PACSIN2: variants seen among roughly 807,000 people sequenced by gnomAD.
PACSIN2 encodes the protein protein kinase C and casein kinase substrate in neurons protein 2.
Under a neutral mutation model 63.8 loss-of-function variants are expected in PACSIN2, and 25 were observed. That is an observed-to-expected ratio of 0.39 (90% CI 0.29 to 0.55). The LOEUF is 0.55. Ranked by LOEUF, PACSIN2 falls within the 20% of genes least tolerant of loss-of-function variation. The pLI is 0.62. For synonymous variants in PACSIN2, 255 were observed against 256.2 expected, an observed-to-expected ratio of 1.00 and a Z score of 0.05; for missense variants, 518 against 646.9, an observed-to-expected ratio of 0.80 and a Z score of 2.16.
chr22:42,875,199 A>G lies in PACSIN2; in HGVS notation c.1348+938T>C, dbSNP rs552833017. ...GGGGTCTTGCTCTCTCTTCTAGGCTAGAGTACGTGGTATGAACATGGCTCA... is the reference window on the plus strand; with the variant it reads ...GGGGTCTTGCTCTCTCTTCTAGGCTGGAGTACGTGGTATGAACATGGCTCA... On this transcript the variant is annotated intron_variant, in intron 10 of 10. Transcript: ENST00000263246. 4.0e-5 allele frequency among the ~76,000 whole-genome samples: 6 copies of G among 150,294 alleles called. No individual in the cohort carries two copies. In the East Asian group the frequency reaches 1.2e-3, roughly 30 times the overall value.
chr22:42,896,196 A>G (rs1930268031), intron 2 of PACSIN2, among the ~76,000 whole-genome samples: 1 of 151,946 alleles, frequency 6.6e-6, no homozygotes, highest in South Asian at 2.1e-4. Context: ...TACAGCCCCC[A>G]GCAACCACAG....
At chr22:42,891,658 G>A (rs923210761) in intron 3 of PACSIN2, among the ~76,000 whole-genome samples, 4 of 152,040 alleles carry the variant, frequency 2.6e-5, no homozygotes, top group Admixed American at 6.6e-5. Flanking sequence ...CATTCGCCTC[G>A]GCCTCCCAAA....
At chr22:42,874,873 AAG>A in intron 10 of PACSIN2, among the ~76,000 whole-genome samples, 1 of 140,978 alleles carries the variant, frequency 7.1e-6, no homozygotes, top group East Asian at 2.0e-4. Context: ...TTTTTTGAAA[AAG>A]AGTTTTGCTC....
At chr22:42,884,014 A>AAAAAAGAAAAGAAAAG (rs548362401) in intron 6 of PACSIN2, among the ~76,000 whole-genome samples, 9 of 151,980 alleles carry the variant, frequency 5.9e-5, no homozygotes, top group African/African-American at 1.5e-4. Context: ...TCAAAAAAAA[A>AAAAAAGAAAAGAAAAG]AAAAGAAAAG....
intron 1 of PACSIN2, among the ~76,000 whole-genome samples, chr22:43,000,145 C>T (rs960728242): frequency 1.3e-5 from 2 of 152,222 alleles, no homozygotes; most frequent in Non-Finnish European, 2.9e-5. Flanking sequence ...TGGACGGGGC[C>T]GGCCCAAGAC....
chr22:42,937,080 A>G (rs1932947419), intron 1 of PACSIN2, among the ~76,000 whole-genome samples: 1 of 152,212 alleles, frequency 6.6e-6, no homozygotes, highest in Admixed American at 6.5e-5. Context: ...GGAATCTAAC[A>G]GCGGAGAGAA....
chr22:42,983,882 ATGTCATGTCAGGTCAGGAAATAAACTAG>A (rs1275877069), intron 1 of PACSIN2, among the ~76,000 whole-genome samples: 1 of 151,730 alleles, frequency 6.6e-6, no homozygotes, highest in African/African-American at 2.4e-5. Flanking sequence ...CACTGATCAG[ATGTCATGTCAGGTCAGGAAATAAACTAG>A]TGTAAACCTG....
chr22:42,889,398 A>ACACACACACT lies in PACSIN2; in HGVS notation c.454-601_454-600insAGTGTGTGTG, dbSNP rs778420398. Among the ~76,000 whole-genome samples, 599 of 151,418 alleles carry ACACACACACT rather than the reference A, an allele frequency of 4.0e-3. 1 individual carries two copies. The highest frequency in any genetic ancestry group is 0.013 in the African/African-American group (544 of 41,108). ...TACACACACACACACACACACACAC[A>ACACACACACT]CTCTTAACAGATCCTTCCTTATTTG... On this transcript the variant is annotated intron_variant, in intron 4 of 10. Coordinates refer to ENST00000263246, the MANE Select transcript of PACSIN2 (RefSeq NM_001184970.3).
intron 1 of PACSIN2, among the ~76,000 whole-genome samples, chr22:42,980,852 C>T (rs1180140360): frequency 9.0e-4 from 52 of 57,802 alleles, no homozygotes; most frequent in African/African-American, 9.5e-4. Context: ...ACCTCCCAGC[C>T]GCCTGCCTTG....
rs1160565529 is a variant in PACSIN2, at chr22:42,987,530, C to CTTTTTT, written c.-78+27485_-78+27490dup. 2.4e-3 allele frequency among the ~76,000 whole-genome samples: 127 copies of CTTTTTT among 52,026 alleles called. 37 individuals carry two copies. Among genetic ancestry groups the CTTTTTT allele is most frequent in the Non-Finnish European group, 3.6e-3 (115 of 32,354 alleles). 34.1% of individuals were successfully genotyped at this position (52,026 alleles called of 152,430 possible). On this transcript the variant is annotated intron_variant, in intron 1 of 10. Transcript: ENST00000263246. Reference sequence around the variant, plus strand: ...TGTTCAGAAGACGGGCACATTCATTCTTTTTTTTTTTTTTTTTTGAGACAG... The same window carrying CTTTTTT: ...TGTTCAGAAGACGGGCACATTCATTCTTTTTTTTTTTTTTTTTTTTTTTTGAGACAG...
chr22:42,898,608 C>T (rs921895100), intron 2 of PACSIN2, among the ~76,000 whole-genome samples: 1 of 152,042 alleles, frequency 6.6e-6, no homozygotes, highest in Admixed American at 6.6e-5. Context: ...AGGCCGCTCT[C>T]CTGCCTCCCA....
intron 1 of PACSIN2, among the ~76,000 whole-genome samples, chr22:42,968,685 C>T (rs1399855791): frequency 1.3e-5 from 2 of 152,152 alleles, no homozygotes; most frequent in Non-Finnish European, 2.9e-5. Context: ...TCAATAAGGG[C>T]AGGCACCATC....
chr22:42,947,531 A>G (rs1159779911), intron 1 of PACSIN2, among the ~76,000 whole-genome samples: 1 of 152,190 alleles, frequency 6.6e-6, no homozygotes, highest in Non-Finnish European at 1.5e-5. Flanking sequence ...GGAATCCTCA[A>G]GAGGAGCTGA....
intron 1 of PACSIN2, among the ~76,000 whole-genome samples, chr22:42,966,882 T>C (rs1371789923): frequency 6.6e-6 from 1 of 152,258 alleles, no homozygotes. Context: ...TTTTCAGGAA[T>C]AAAGTCAGGG....
chr22:42,894,250 G>GTT (rs35729516), intron 2 of PACSIN2, among the ~76,000 whole-genome samples: 5,450 of 148,904 alleles, frequency 0.037, 217 homozygotes, highest in African/African-American at 0.1. Flanking sequence ...GAAGGCAATT[G>GTT]TTTTTTTTTT....
At chr22:43,003,987 T>A (rs372184147) in intron 1 of PACSIN2, among the ~76,000 whole-genome samples, 1 of 152,218 alleles carries the variant, frequency 6.6e-6, no homozygotes, top group African/African-American at 2.4e-5. Context: ...CCAAGTTAGT[T>A]ACAGACATAG....
intron 4 of PACSIN2, among the ~76,000 whole-genome samples, chr22:42,889,536 G>C (rs757598346): frequency 6.6e-6 from 1 of 152,188 alleles, no homozygotes; most frequent in Non-Finnish European, 1.5e-5. Context: ...AGAAGAGAAA[G>C]GAGATGTGAC....
chr22:42,941,863 G>C (rs1933180041), intron 1 of PACSIN2, among the ~76,000 whole-genome samples: 1 of 152,122 alleles, frequency 6.6e-6, no homozygotes, highest in South Asian at 2.1e-4. Context: ...TGCAACCTCT[G>C]ACTCCTGGGT....
At chr22:42,931,257 C>T (rs765565118) in intron 1 of PACSIN2, among the ~76,000 whole-genome samples, 4 of 152,022 alleles carry the variant, frequency 2.6e-5, no homozygotes, top group Admixed American at 6.5e-5. Flanking sequence ...TGCAAACCAG[C>T]TGGGTAACCA....
Sources: gnomAD v4.1 joint callset for allele counts (sites outside exome capture counted in the v4.1 genomes callset) on GRCh38, gnomAD v4.1.1 for gene constraint, MANE v1.5 for transcripts, NCBI Gene and HGNC (gene_info 2026-07-23, HGNC 2026-07-21) for gene names.